The following CLSTN2 variants were observed in gnomAD, a reference collection of about 807,000 sequenced individuals.
The protein encoded by CLSTN2 is calsyntenin 2, also known as calsyntenin-2.
CLSTN2 carries 48 observed loss-of-function variants against 101.2 expected under a neutral mutation model. The ratio of observed to expected loss-of-function variants is 0.47; its 90% CI spans 0.38 to 0.60. CLSTN2 has a LOEUF of 0.60. Ranked by LOEUF, CLSTN2 falls within the 20% of genes least tolerant of loss-of-function variation. The pLI is 0.00. For synonymous variants in CLSTN2, 481 were observed against 463.6 expected (o/e 1.04, Z -0.48); for missense variants, 1,160 against 1,238.2 (o/e 0.94, Z 0.95).
chr3:140,556,067 C>G (rs6439933), intron 10 of CLSTN2, among the ~76,000 whole-genome samples: 56,787 of 152,032 alleles, frequency 0.37, 13,688 homozygotes, highest in African/African-American at 0.69. Context: ...TAAGAAGATA[C>G]GGCATGGGTC....
intron 2 of CLSTN2, among the ~76,000 whole-genome samples, chr3:140,364,337 C>T (rs185992274): frequency 1.3e-5 from 2 of 152,118 alleles, no homozygotes; most frequent in East Asian, 3.9e-4. Context: ...GGATTCTGTC[C>T]TAGGGTATCA....
At chr3:139,997,802 T>A (rs1210183208) in intron 1 of CLSTN2, among the ~76,000 whole-genome samples, 2 of 151,866 alleles carry the variant, frequency 1.3e-5, no homozygotes, top group Non-Finnish European at 2.9e-5. Context: ...GTAGAGCCTC[T>A]TGAAAAAAAA....
intron 8 of CLSTN2, among the ~76,000 whole-genome samples, chr3:140,531,999 C>T (rs1029245459): frequency 6.6e-6 from 1 of 152,082 alleles, no homozygotes; most frequent in African/African-American, 2.4e-5. Flanking sequence ...GAAAGGGTGC[C>T]CTGTACTGAG....
rs962235149 is a variant in CLSTN2 at position 139,989,997 on chromosome 3, A to G, written c.109+54514A>G. ...GATTTCAAAGCCAGATGGCTGAACT[A>G]TAAACTCTGCTCACCCTTGAACTGG... On this transcript the variant is annotated intron_variant, in intron 1 of 16. Coordinates refer to ENST00000458420, the MANE Select transcript of CLSTN2 (RefSeq NM_022131.3). 2.6e-5 allele frequency among the ~76,000 whole-genome samples: 4 copies of G among 152,208 alleles called. No individual in the cohort carries two copies. The East Asian group carries it at 5.8e-4, about 22-fold the overall frequency.
At chr3:140,157,239 T>C (rs2009970053) in intron 1 of CLSTN2, among the ~76,000 whole-genome samples, 1 of 152,104 alleles carries the variant, frequency 6.6e-6, no homozygotes, top group African/African-American at 2.4e-5. Flanking sequence ...CAGATTTTCC[T>C]ATTAGTCTCC....
At chr3:140,402,705 A>G (rs1348497098) in intron 2 of CLSTN2, among the ~76,000 whole-genome samples, 1 of 152,216 alleles carries the variant, frequency 6.6e-6, no homozygotes, top group African/African-American at 2.4e-5. Context: ...TTGTCAGACC[A>G]GGGCTGGAGC....
chr3:140,523,089 T>C (rs1441356252), intron 8 of CLSTN2, among the ~76,000 whole-genome samples: 1 of 152,142 alleles, frequency 6.6e-6, no homozygotes, highest in African/African-American at 2.4e-5. Flanking sequence ...CAGTTCAGGA[T>C]TTCTACGGCA....
intron 2 of CLSTN2, among the ~76,000 whole-genome samples, chr3:140,337,260 A>G (rs2087453032): frequency 6.6e-6 from 1 of 152,222 alleles, no homozygotes. Context: ...TCCAAGATCA[A>G]TGTGTTGTCA....
At chr3:140,285,938 G>A (rs1041478006) in intron 2 of CLSTN2, among the ~76,000 whole-genome samples, 1 of 152,164 alleles carries the variant, frequency 6.6e-6, no homozygotes, top group African/African-American at 2.4e-5. Flanking sequence ...ATGACCTGGG[G>A]CTTAGCACTT....
In CLSTN2 at chr3:140,257,562, GTGTGTGT is replaced by G. The variant is rs1559821189; in HGVS notation, c.232+81490_232+81496del. Among the ~76,000 whole-genome samples, 309 of 61,824 alleles carry G rather than the reference GTGTGTGT, an allele frequency of 5.0e-3. 1 individual carries two copies. Among genetic ancestry groups the G allele is most frequent in the African/African-American group, 9.8e-3 (294 of 29,908 alleles). 40.6% of individuals were successfully genotyped at this position (61,824 alleles called of 152,430 possible). On this transcript the variant is annotated intron_variant, in intron 2 of 16. Coordinates refer to ENST00000458420, the MANE Select transcript of CLSTN2 (RefSeq NM_022131.3). ...ATTCCCTGCCTATTTCTTTCTAGGGGTGTGTGTGTGTGTGTGTGTGTGTGTGTGTGTG... is the reference window on the plus strand; with the variant it reads ...ATTCCCTGCCTATTTCTTTCTAGGGGGTGTGTGTGTGTGTGTGTGTGTGTG...
chr3:140,280,714 A>C (rs1244286196), intron 2 of CLSTN2, among the ~76,000 whole-genome samples: 1 of 152,144 alleles, frequency 6.6e-6, no homozygotes, highest in Non-Finnish European at 1.5e-5. Flanking sequence ...CTTTATGTAC[A>C]CTTCACTTGC....
chr3:140,361,041 AC>A (rs1359278694), intron 2 of CLSTN2, among the ~76,000 whole-genome samples: 3 of 152,234 alleles, frequency 2.0e-5, no homozygotes, highest in Non-Finnish European at 4.4e-5. Flanking sequence ...TCTAAGTCAA[AC>A]AAAGGCATCA....
intron 2 of CLSTN2, among the ~76,000 whole-genome samples, chr3:140,241,918 T>A (rs1041963690): frequency 1.5e-5 from 2 of 137,214 alleles, no homozygotes; most frequent in African/African-American, 5.8e-5. Flanking sequence ...TATATATATA[T>A]ATAATTTGAC....
rs757221407 is a variant in CLSTN2, at chr3:140,448,725, A to G, written c.973+21A>G. ...ATGTGGTAGGTTTTTCCCTTTTGGG[A>G]TTTTAAAAATCAATTGCTTTTAAAT... On this transcript the variant is annotated intron_variant, in intron 6 of 16. Transcript: ENST00000458420. 9 of 1,588,338 alleles carry G rather than the reference A, an allele frequency of 5.7e-6. No homozygotes were observed. In the African/African-American group the frequency reaches 1.1e-4, roughly 19 times the overall value.
intron 8 of CLSTN2, among the ~76,000 whole-genome samples, chr3:140,476,366 C>T (rs1933983945): frequency 6.6e-6 from 1 of 152,196 alleles, no homozygotes; most frequent in Non-Finnish European, 1.5e-5. Flanking sequence ...TAACAAAAAT[C>T]ATGCCATTTA....
intron 1 of CLSTN2, among the ~76,000 whole-genome samples, chr3:140,057,143 A>G (rs6439892): frequency 0.09 from 13,686 of 152,294 alleles, 709 homozygotes; most frequent in African/African-American, 0.13. Context: ...AAGAAACTGA[A>G]GCCATGCATA....
intron 1 of CLSTN2, among the ~76,000 whole-genome samples, chr3:140,062,825 T>C (rs1246873312): frequency 6.6e-6 from 1 of 152,152 alleles, no homozygotes; most frequent in East Asian, 1.9e-4. Flanking sequence ...TGAACCAGGG[T>C]TCTTAAACAC....
chr3:140,168,120 G>A (rs2010160952), intron 1 of CLSTN2, among the ~76,000 whole-genome samples: 1 of 152,122 alleles, frequency 6.6e-6, no homozygotes, highest in Admixed American at 6.6e-5. Context: ...TTTGCAAAGT[G>A]ACTGTATTAG....
intron 5 of CLSTN2, among the ~76,000 whole-genome samples, chr3:140,430,474 G>A (rs1156814332): frequency 6.6e-6 from 1 of 152,186 alleles, no homozygotes; most frequent in Non-Finnish European, 1.5e-5. Flanking sequence ...AGTGCATGTA[G>A]ATAAAGATTT....
Sources: gnomAD v4.1 joint callset for allele counts (sites outside exome capture counted in the v4.1 genomes callset) on GRCh38, gnomAD v4.1.1 for gene constraint, MANE v1.5 for transcripts, NCBI Gene and HGNC (gene_info 2026-07-23, HGNC 2026-07-21) for gene names.